Variants in EPHB1 observed in about 807,000 individuals in gnomAD.
EPHB1 encodes EPH receptor B1.
In EPHB1, 30 loss-of-function variants were observed where a neutral mutation model predicts 94.4. The ratio of observed to expected loss-of-function variants is 0.32; its 90% confidence interval spans 0.24 to 0.43. The LOEUF (loss-of-function observed/expected upper bound fraction) is 0.43, where lower values mean the gene tolerates loss of function less well. EPHB1 is among the 20% of genes least tolerant of loss of function. EPHB1 has a pLI of 1.00. For missense variants in EPHB1, 1,055 were observed against 1,308.3 expected (o/e 0.81, Z 2.99); for synonymous variants, 522 against 489.1 (o/e 1.07, Z -0.89).
At chr3:134,921,539 C>T (rs918345871) in intron 1 of EPHB1, among the ~76,000 whole-genome samples, 6 of 152,202 alleles carry the variant, frequency 3.9e-5, no homozygotes, top group African/African-American at 1.4e-4. Context: ...CTCTGAGGCA[C>T]ACATCAATTT....
chr3:134,865,074 G>GTGTGTGTGTGTGCA (rs1467263865), intron 1 of EPHB1, among the ~76,000 whole-genome samples: 2 of 152,094 alleles, frequency 1.3e-5, no homozygotes, highest in African/African-American at 4.8e-5. Flanking sequence ...ACATACGTGT[G>GTGTGTGTGTGTGCA]TGTGTGTGTG....
intron 3 of EPHB1, among the ~76,000 whole-genome samples, chr3:135,004,150 C>T (rs1173094177): frequency 5.3e-5 from 8 of 151,612 alleles, no homozygotes; most frequent in Admixed American, 2.0e-4. Flanking sequence ...TTAGGGCAGG[C>T]CTGGTGGTGA....
intron 4 of EPHB1, among the ~76,000 whole-genome samples, chr3:135,114,732 A>G (rs564601344): frequency 2.0e-4 from 23 of 116,206 alleles, no homozygotes; most frequent in South Asian, 1.4e-3. Context: ...CAGATAGATA[A>G]ATAAATAAAT....
At position 134,928,423 on chromosome 3, in the gene EPHB1, C is replaced by T. The variant is rs887963966; in HGVS notation, c.123+2543C>T. Among the ~76,000 whole-genome samples the T allele has an allele frequency of 9.8e-5, 15 of 152,296 alleles. No individual in the cohort carries two copies. In the South Asian group the frequency reaches 1.5e-3, roughly 15 times the overall value. On this transcript the variant is annotated intron_variant, in intron 2 of 15. Coordinates refer to ENST00000398015, the MANE Select transcript of EPHB1 (RefSeq NM_004441.5). ...CCCCCTTCAGCCATATTATAACCTC[C>T]GGGGTGGCCAGGACTCTATGCATTT...
At chr3:135,071,684 C>G (rs1393032269) in intron 3 of EPHB1, among the ~76,000 whole-genome samples, 2 of 152,194 alleles carry the variant, frequency 1.3e-5, no homozygotes, top group African/African-American at 2.4e-5. Flanking sequence ...ACTCATGGCT[C>G]TAAATGTCAT....
At chr3:135,206,955 A>T (rs1019710933) in intron 12 of EPHB1, among the ~76,000 whole-genome samples, 2 of 152,182 alleles carry the variant, frequency 1.3e-5, no homozygotes, top group African/African-American at 4.8e-5. Flanking sequence ...CTTTTCTTTC[A>T]AGTGCAATTT....
chr3:134,960,814 T>C (rs1455906265), intron 3 of EPHB1, among the ~76,000 whole-genome samples: 1 of 152,226 alleles, frequency 6.6e-6, no homozygotes, highest in Non-Finnish European at 1.5e-5. Context: ...TCATTGAGGA[T>C]AGGACCTAGT....
At chr3:134,996,076 C>A (rs1295166914) in intron 3 of EPHB1, among the ~76,000 whole-genome samples, 1 of 152,118 alleles carries the variant, frequency 6.6e-6, no homozygotes, top group Non-Finnish European at 1.5e-5. Context: ...AATTTAGCAA[C>A]TTATTTCACT....
intron 12 of EPHB1, among the ~76,000 whole-genome samples, chr3:135,219,449 A>G (rs1276716505): frequency 3.9e-5 from 6 of 151,906 alleles, no homozygotes; most frequent in Admixed American, 1.3e-4. Context: ...TGGCCATGTG[A>G]TGGCAGAGGC....
At chr3:134,809,785 A>G (rs1441199568) in intron 1 of EPHB1, among the ~76,000 whole-genome samples, 1 of 152,210 alleles carries the variant, frequency 6.6e-6, no homozygotes, top group Non-Finnish European at 1.5e-5. Flanking sequence ...TCGCACTGAA[A>G]TGCCCCAGAT....
rs182471208 is a variant in EPHB1, at chr3:134,846,731, A to T, written c.58+51042A>T. ...GAAAGGCATGGGGGCAGGGCAGAGCAGGCAGGCTGAGTGCTCTGGTGGGAT... is the reference window on the plus strand; with the variant it reads ...GAAAGGCATGGGGGCAGGGCAGAGCTGGCAGGCTGAGTGCTCTGGTGGGAT... On this transcript the variant is annotated intron_variant, in intron 1 of 15. Coordinates refer to ENST00000398015, the MANE Select transcript of EPHB1 (RefSeq NM_004441.5). 2.0e-3 allele frequency among the ~76,000 whole-genome samples: 301 copies of T among 152,224 alleles called. 1 individual carries two copies. Among genetic ancestry groups the T allele is most frequent in the Middle Eastern group, 0.014 (4 of 294 alleles).
intron 6 of EPHB1, 119 bp from the exon 7 acceptor site, chr3:135,161,899 A>G: frequency 8.9e-7 from 1 of 1,119,078 alleles, no homozygotes; most frequent in South Asian, 1.7e-5. Flanking sequence ...AGCTGATGAC[A>G]ACTGCTAGCA....
intron 3 of EPHB1, among the ~76,000 whole-genome samples, chr3:135,063,226 G>A (rs182866691): frequency 6.6e-6 from 1 of 152,130 alleles, no homozygotes. Flanking sequence ...TGTGAAGAAT[G>A]TTGGAGGTAT....
chr3:134,925,275 A>G (rs2038766203), intron 1 of EPHB1, among the ~76,000 whole-genome samples: 1 of 152,204 alleles, frequency 6.6e-6, no homozygotes, highest in African/African-American at 2.4e-5. Context: ...AGTTGATGGG[A>G]AGTTACCCAA....
Position 134,836,726 on chromosome 3 carries a change from C to G in EPHB1, c.58+41037C>G, listed in dbSNP as rs368316730. Among the ~76,000 whole-genome samples, 17 of 152,296 alleles carry G rather than the reference C, an allele frequency of 1.1e-4. 1 individual carries two copies. In the East Asian group the frequency reaches 1.7e-3, roughly 16 times the overall value. On this transcript the variant is annotated intron_variant, in intron 1 of 15. Coordinates refer to ENST00000398015, the MANE Select transcript of EPHB1 (RefSeq NM_004441.5). The stretch of plus-strand genomic sequence containing the variant: ...AGGCTCTATAAATTAACAACAAATA[C>G]AAATCAGCTTAAATGTAATCAAGAT...
intron 3 of EPHB1, among the ~76,000 whole-genome samples, chr3:134,959,631 AG>A (rs1933426595): frequency 6.6e-6 from 1 of 152,086 alleles, no homozygotes; most frequent in Admixed American, 6.6e-5. Context: ...TAATCCCTCT[AG>A]GGGCAGCTCC....
chr3:135,097,021 TGGAGGTGGA>T (rs1938809255), intron 3 of EPHB1, among the ~76,000 whole-genome samples: 1 of 144,346 alleles, frequency 6.9e-6, no homozygotes. Flanking sequence ...GCTTGAACCC[TGGAGGTGGA>T]GGTTGCAGTG....
intron 3 of EPHB1, among the ~76,000 whole-genome samples, chr3:135,052,890 A>AAAAAATATATAT (rs1553726757): frequency 7.3e-5 from 4 of 54,616 alleles, no homozygotes; most frequent in Non-Finnish European, 8.8e-5. Flanking sequence ...AAAAAAAAAA[A>AAAAAATATATAT]ATATATATAT....
At chr3:135,057,050 T>C (rs1159851641) in intron 3 of EPHB1, among the ~76,000 whole-genome samples, 9 of 152,178 alleles carry the variant, frequency 5.9e-5, no homozygotes, top group African/African-American at 2.2e-4. Flanking sequence ...ATAAATTTGT[T>C]GCTGGATTCA....
Sources: allele counts gnomAD v4.1 joint callset (sites outside exome capture counted in the v4.1 genomes callset), GRCh38; gene constraint gnomAD v4.1.1; transcripts MANE v1.5; gene names NCBI Gene and HGNC (gene_info 2026-07-23, HGNC 2026-07-21).